Variants in SLC12A6 observed in about 807,000 individuals in gnomAD.
SLC12A6 encodes the protein K-Cl cotransporter 3.
A neutral mutation model predicts 135.3 loss-of-function variants in SLC12A6; 66 were observed. That is an observed-to-expected ratio of 0.49 (90% CI 0.40 to 0.60). SLC12A6 has a LOEUF of 0.60. Among genes scored for constraint, SLC12A6 ranks in the 20% least tolerant of loss-of-function variants. The pLI is 0.00. For synonymous variants in SLC12A6, 513 were observed against 508.8 expected, an observed-to-expected ratio of 1.01 and a Z score of -0.11; for missense variants, 1,058 against 1,452.3, an observed-to-expected ratio of 0.73 and a Z score of 4.41.
rs1595597314 is a variant in SLC12A6 at position 34,336,458 on chromosome 15, G to A, written c.223C>T (p.Leu75=). The change falls in exon 2 of 26, where the codon CTG becomes TTG. Residue 75 remains leucine (L), a synonymous_variant. Transcript: ENST00000354181. The part of the protein sequence containing the change: ...GATTSLATVA[L]DPPSDRTSHP... ...GAAGTCCGGTCACTGGGTGGATCCA[G>A]TGCAACAGTTGCCAGCGAAGTGGTG... 6.2e-7 allele frequency: 1 copy of A among 1,613,942 alleles called. No individual in the cohort carries two copies. Among genetic ancestry groups the A allele is most frequent in the Non-Finnish European group, 8.5e-7 (1 of 1,179,822 alleles).
intron 3 of SLC12A6, among the ~76,000 whole-genome samples, chr15:34,274,121 T>G (rs887775572): frequency 6.6e-6 from 1 of 152,102 alleles, no homozygotes; most frequent in Admixed American, 6.5e-5. Flanking sequence ...TGCTCATGAG[T>G]AGGAAACTGG....
intron 13 of SLC12A6, among the ~76,000 whole-genome samples, chr15:34,247,936 C>T (rs1281371083): frequency 6.6e-6 from 1 of 152,146 alleles, no homozygotes; most frequent in Non-Finnish European, 1.5e-5. Flanking sequence ...AACTCCTGAC[C>T]TCAAACAATC....
intron 3 of SLC12A6, among the ~76,000 whole-genome samples, chr15:34,269,824 T>C (rs923586329): frequency 6.6e-6 from 1 of 152,200 alleles, no homozygotes; most frequent in African/African-American, 2.4e-5. Context: ...ACAGTGGTAT[T>C]ATGAACTGCC....
At chr15:34,320,657 CT>C (rs1889012912) in intron 2 of SLC12A6, among the ~76,000 whole-genome samples, 3 of 150,124 alleles carry the variant, frequency 2.0e-5, no homozygotes, top group Non-Finnish European at 4.4e-5. Context: ...TGGCTCATGC[CT>C]GTAATCCCAG....
rs1192827752 is a variant in SLC12A6 at position 34,257,790 on chromosome 15, TAGAA to T, written c.544-6_544-3del. 2 of 1,598,428 alleles carry T rather than the reference TAGAA, an allele frequency of 1.3e-6. No homozygotes were observed. The highest frequency in any genetic ancestry group is 1.7e-5 in the Admixed American group (1 of 59,926). On this transcript the variant is annotated splice_region_variant and splice_polypyrimidine_tract_variant and intron_variant, in intron 5 of 25. Coordinates refer to ENST00000354181, the MANE Select transcript of SLC12A6 (RefSeq NM_001365088.1). ...CATGAAGGTACCCATTTGGGGGGTC[TAGAA>T]AGAAAGACATTGATAAAAAATCACA...
At chr15:34,310,500 A>G (rs113731204) in intron 2 of SLC12A6, among the ~76,000 whole-genome samples, 212 of 26,926 alleles carry the variant, frequency 7.9e-3, no homozygotes, top group East Asian at 0.015. Context: ...GTGTGTATGT[A>G]TGTGTGTGTC....
chr15:34,273,775 C>T (rs1003840348), intron 3 of SLC12A6, among the ~76,000 whole-genome samples: 16 of 151,998 alleles, frequency 1.1e-4, no homozygotes, highest in Non-Finnish European at 2.2e-4. Context: ...AAATAATATA[C>T]TAAAAATTAC....
rs1031907115 is a variant in SLC12A6, at chr15:34,303,200, T to C, written c.272-27811A>G. Among the ~76,000 whole-genome samples, 6 of 152,222 alleles carry C rather than the reference T, an allele frequency of 3.9e-5. No homozygotes were observed. In the East Asian group the frequency reaches 1.2e-3, roughly 29 times the overall value. Reference sequence around the variant, plus strand: ...GGGGACTAAGAGACTACTGTGAACATTTCCAATATTTTAAGAGCCTATATT... The same window carrying C: ...GGGGACTAAGAGACTACTGTGAACACTTCCAATATTTTAAGAGCCTATATT... On this transcript the variant is annotated intron_variant, in intron 2 of 25. Coordinates refer to ENST00000354181, the MANE Select transcript of SLC12A6 (RefSeq NM_001365088.1).
At chr15:34,334,026 C>T (rs1006658753) in intron 2 of SLC12A6, among the ~76,000 whole-genome samples, 2 of 151,056 alleles carry the variant, frequency 1.3e-5, no homozygotes, top group African/African-American at 2.4e-5. Context: ...GTGGAGATTG[C>T]GCCCTTGTAC....
At chr15:34,276,966 G>A (rs1412856980) in intron 2 of SLC12A6, among the ~76,000 whole-genome samples, 1 of 152,114 alleles carries the variant, frequency 6.6e-6, no homozygotes, top group Non-Finnish European at 1.5e-5. Flanking sequence ...TTCTACCACA[G>A]AAGTTTTAAA....
At chr15:34,312,003 C>T (rs543867230) in intron 2 of SLC12A6, among the ~76,000 whole-genome samples, 1 of 152,214 alleles carries the variant, frequency 6.6e-6, no homozygotes, top group East Asian at 1.9e-4. Flanking sequence ...AAAAGTAGTT[C>T]TTATTTTTGA....
chr15:34,238,165 T>C (rs907632986), intron 21 of SLC12A6, 67 bp downstream of exon 21: 19 of 1,117,572 alleles, frequency 1.7e-5, no homozygotes, highest in South Asian at 1.1e-4. Context: ...GAGGAAGAAT[T>C]TGTCTGTCCT....
chr15:34,239,674 A>G (rs1306871529), intron 19 of SLC12A6, among the ~76,000 whole-genome samples: 2 of 151,996 alleles, frequency 1.3e-5, no homozygotes, highest in African/African-American at 2.4e-5. Context: ...GTGATTATTC[A>G]TGACACTTGT....
intron 2 of SLC12A6, among the ~76,000 whole-genome samples, chr15:34,334,473 G>A (rs1421712478): frequency 1.3e-5 from 2 of 152,016 alleles, no homozygotes; most frequent in Admixed American, 6.6e-5. Flanking sequence ...AGAAGTCAAG[G>A]GTGAAATAAT....
chr15:34,245,900 T>C (rs1891950329), intron 13 of SLC12A6, 33 bp from the exon 14 acceptor site: 2 of 1,552,686 alleles, frequency 1.3e-6, no homozygotes, highest in Admixed American at 1.7e-5. Flanking sequence ...AAATTTAATC[T>C]GGAAATAACT....
At chr15:34,285,718 C>CACACACACACACACACACACACAT (rs1555385547) in intron 2 of SLC12A6, among the ~76,000 whole-genome samples, 7,548 of 65,808 alleles carry the variant, frequency 0.11, 740 homozygotes, top group African/African-American at 0.28. Context: ...GTGTGTTTGT[C>CACACACACACACACACACACACAT]ATACATAAAA....
chr15:34,294,687 T>C (rs545172801), intron 2 of SLC12A6, among the ~76,000 whole-genome samples: 1 of 152,238 alleles, frequency 6.6e-6, no homozygotes, highest in East Asian at 1.9e-4. Context: ...CCCACCTCAG[T>C]CTCCTGAGTA....
In SLC12A6 at chr15:34,236,826, C is replaced by G. The variant is rs770370694; in HGVS notation, c.2935-11G>C. ...TATATCACTGTCATGCTGCCATAGACATCACATAAAAGGGGCAAAAAGCAC... is the reference window on the plus strand; with the variant it reads ...TATATCACTGTCATGCTGCCATAGAGATCACATAAAAGGGGCAAAAAGCAC... On this transcript the variant is annotated splice_polypyrimidine_tract_variant and intron_variant, in intron 22 of 25. Coordinates refer to ENST00000354181, the MANE Select transcript of SLC12A6 (RefSeq NM_001365088.1). 4.6e-6 allele frequency: 7 copies of G among 1,528,706 alleles called. No individual in the cohort carries two copies. The Admixed American group carries it at 8.3e-5, about 18-fold the overall frequency. The allele number at this position is 1,528,706 out of a possible 1,614,324, so 94.7% of individuals were successfully genotyped here.
At chr15:34,315,688 C>T (rs1337629370) in intron 2 of SLC12A6, among the ~76,000 whole-genome samples, 1 of 152,050 alleles carries the variant, frequency 6.6e-6, no homozygotes, top group Non-Finnish European at 1.5e-5. Context: ...AGTGGGAAGT[C>T]AAAAATTCAT....
Sources: allele counts gnomAD v4.1 joint callset (sites outside exome capture counted in the v4.1 genomes callset), GRCh38; gene constraint gnomAD v4.1.1; transcripts MANE v1.5; gene names NCBI Gene and HGNC (gene_info 2026-07-23, HGNC 2026-07-21).